Variants in GRIK1 observed in about 807,000 individuals in gnomAD.
GRIK1 encodes glutamate ionotropic receptor kainate type subunit 1.
Under a neutral mutation model 105.7 loss-of-function variants are expected in GRIK1, and 69 were observed. The ratio of observed to expected loss-of-function variants is 0.65; its 90% CI spans 0.54 to 0.80. The LOEUF (loss-of-function observed/expected upper bound fraction) is 0.80. Ranked by LOEUF, GRIK1 falls within the 30% of genes least tolerant of loss-of-function variation. The pLI is 0.00. For missense variants in GRIK1, 1,109 were observed against 1,167.3 expected (o/e 0.95, Z 0.73); for synonymous variants, 438 against 431.3 (o/e 1.02, Z -0.19).
intron 1 of GRIK1, among the ~76,000 whole-genome samples, chr21:29,850,066 C>T (rs552324788): frequency 3.3e-5 from 5 of 152,204 alleles, no homozygotes; most frequent in South Asian, 4.1e-4. Flanking sequence ...AGCATATGCC[C>T]GTGAAGTTTA....
chr21:29,712,222 T>C (rs375656940), intron 1 of GRIK1, among the ~76,000 whole-genome samples: 16 of 152,164 alleles, frequency 1.1e-4, no homozygotes, highest in East Asian at 9.6e-4. Context: ...TACTCAAATA[T>C]AATTTTAGTG....
At chr21:29,668,465 C>T (rs543525388) in intron 4 of GRIK1, among the ~76,000 whole-genome samples, 2 of 152,262 alleles carry the variant, frequency 1.3e-5, no homozygotes, top group Non-Finnish European at 2.9e-5. Flanking sequence ...GGCTGTGTCA[C>T]GTGGCCAGAA....
At chr21:29,638,386 C>T (rs1254513791) in intron 7 of GRIK1, among the ~76,000 whole-genome samples, 2 of 152,102 alleles carry the variant, frequency 1.3e-5, no homozygotes, top group Non-Finnish European at 2.9e-5. Context: ...CCCCATGATC[C>T]AATCACCTCC....
chr21:29,565,955 T>A (rs2090603103), intron 14 of GRIK1, among the ~76,000 whole-genome samples: 2 of 152,234 alleles, frequency 1.3e-5, no homozygotes, highest in African/African-American at 4.8e-5. Context: ...TCTTCTTTAC[T>A]GCAGAGTTCT....
chr21:29,598,656 A>G, intron 8 of GRIK1, 174 bp downstream of exon 8: 3 of 517,792 alleles, frequency 5.8e-6, no homozygotes. Context: ...AAATTTAAGA[A>G]TCTAGCACAT....
intron 1 of GRIK1, among the ~76,000 whole-genome samples, chr21:29,796,111 G>A (rs887178714): frequency 6.6e-6 from 1 of 152,130 alleles, no homozygotes; most frequent in Admixed American, 6.6e-5. Context: ...TGTGCATTTT[G>A]TCATTGCAGG....
intron 1 of GRIK1, among the ~76,000 whole-genome samples, chr21:29,927,096 A>T (rs895644393): frequency 2.6e-5 from 4 of 152,134 alleles, no homozygotes; most frequent in African/African-American, 9.7e-5. Context: ...TGTGGGCCTG[A>T]TGCCTCCCCG....
intron 16 of GRIK1, among the ~76,000 whole-genome samples, chr21:29,544,599 A>T (rs1364402438): frequency 6.6e-6 from 1 of 152,188 alleles, no homozygotes; most frequent in East Asian, 1.9e-4. Flanking sequence ...AAAAGACTCA[A>T]ATTTGGAGCT....
At chr21:29,903,822 C>T (rs1297398646) in intron 1 of GRIK1, among the ~76,000 whole-genome samples, 1 of 152,156 alleles carries the variant, frequency 6.6e-6, no homozygotes, top group African/African-American at 2.4e-5. Flanking sequence ...GACACATGCA[C>T]ACATATATTT....
intron 6 of GRIK1, among the ~76,000 whole-genome samples, chr21:29,650,889 G>C (rs1286337322): frequency 2.0e-5 from 3 of 152,116 alleles, no homozygotes; most frequent in African/African-American, 7.2e-5. Context: ...GATTACTCTT[G>C]TCAAGTTTTT....
At chr21:29,657,330 A>T (rs2062873502) in intron 4 of GRIK1, 1 of 152,194 alleles carries the variant, frequency 6.6e-6, no homozygotes, top group Non-Finnish European at 1.5e-5. Flanking sequence ...CCCTGTTAAG[A>T]GATAAGCATT....
At chr21:29,860,325 A>G (rs1307795841) in intron 1 of GRIK1, among the ~76,000 whole-genome samples, 1 of 152,222 alleles carries the variant, frequency 6.6e-6, no homozygotes, top group Non-Finnish European at 1.5e-5. Flanking sequence ...GAGTGACAGC[A>G]TAATTGGATG....
intron 1 of GRIK1, chr21:29,748,270 A>T (rs1391967468): frequency 6.6e-6 from 1 of 152,262 alleles, no homozygotes; most frequent in African/African-American, 2.4e-5. Context: ...TCAAAGAGGA[A>T]GCCAAGGTCA....
chr21:29,797,129 A>G (rs2066580890), intron 1 of GRIK1, among the ~76,000 whole-genome samples: 1 of 152,186 alleles, frequency 6.6e-6, no homozygotes, highest in Non-Finnish European at 1.5e-5. Context: ...CAGTGTCCTT[A>G]CCTGCAAAAA....
At chr21:29,805,305 T>C (rs1601742583) in intron 1 of GRIK1, among the ~76,000 whole-genome samples, 1 of 152,166 alleles carries the variant, frequency 6.6e-6, no homozygotes, top group East Asian at 1.9e-4. Flanking sequence ...TCACTATGGG[T>C]AACAGGTTCA....
At position 29,684,579 on chromosome 21, in the gene GRIK1, C is replaced by T. The variant is rs539092045; in HGVS notation, c.544+5149G>A. Reference sequence around the variant, plus strand: ...CTGGAGTGCAGTGGTGCGATCTTGGCGCACTGCAAGCTCCGCCTCCTGGGT... The same window carrying T: ...CTGGAGTGCAGTGGTGCGATCTTGGTGCACTGCAAGCTCCGCCTCCTGGGT... On this transcript the variant is annotated intron_variant, in intron 3 of 17. Transcript: ENST00000327783. Among the ~76,000 whole-genome samples, 9 of 151,998 alleles carry T rather than the reference C, an allele frequency of 5.9e-5. No homozygotes were observed. In the South Asian group the frequency reaches 8.3e-4, roughly 14 times the overall value.
At chr21:29,655,624 T>C (rs2062833937) in intron 4 of GRIK1, among the ~76,000 whole-genome samples, 1 of 152,192 alleles carries the variant, frequency 6.6e-6, no homozygotes, top group Non-Finnish European at 1.5e-5. Context: ...TATGTAGATA[T>C]GTTTAAATGA....
intron 1 of GRIK1, among the ~76,000 whole-genome samples, chr21:29,824,473 A>G (rs1301991814): frequency 6.6e-6 from 1 of 152,014 alleles, no homozygotes; most frequent in Non-Finnish European, 1.5e-5. Context: ...GGTGATAAGG[A>G]CGAAAAGAAG....
intron 4 of GRIK1, among the ~76,000 whole-genome samples, chr21:29,662,344 G>A (rs973450617): frequency 6.6e-6 from 1 of 152,198 alleles, no homozygotes; most frequent in African/African-American, 2.4e-5. Context: ...TGGTAAACAG[G>A]AGAGAATGGA....
Sources: gnomAD v4.1 joint callset for allele counts (sites outside exome capture counted in the v4.1 genomes callset) on GRCh38, gnomAD v4.1.1 for gene constraint, MANE v1.5 for transcripts, NCBI Gene and HGNC (gene_info 2026-07-23, HGNC 2026-07-21) for gene names.